Variants in DAAM2 observed in about 807,000 individuals in gnomAD.
The protein encoded by DAAM2 is disheveled-associated activator of morphogenesis 2.
A neutral mutation model predicts 120.7 loss-of-function variants in DAAM2; 39 were observed. That is an observed-to-expected ratio of 0.32 (90% CI 0.25 to 0.42). The LOEUF is 0.42. DAAM2 is among the 10% of genes least tolerant of loss of function. DAAM2 has a pLI of 1.00. For missense variants in DAAM2, 1,283 were observed against 1,401.7 expected, an observed-to-expected ratio of 0.92 and a Z score of 1.35; for synonymous variants, 488 against 524.9, an observed-to-expected ratio of 0.93 and a Z score of 0.96.
chr6:39,816,621 A>G (rs1762318425), intron 1 of DAAM2, among the ~76,000 whole-genome samples: 1 of 152,174 alleles, frequency 6.6e-6, no homozygotes, highest in Admixed American at 6.5e-5. Context: ...GTTCAAGTCC[A>G]TTATATCTTA....
chr6:39,898,343 G>A (rs1766249124), intron 21 of DAAM2, among the ~76,000 whole-genome samples: 1 of 152,210 alleles, frequency 6.6e-6, no homozygotes, highest in Non-Finnish European at 1.5e-5. Flanking sequence ...CAAAAAGAGT[G>A]TGCGTACAGT....
chr6:39,845,636 T>C (rs1020532649), intron 1 of DAAM2, among the ~76,000 whole-genome samples: 3 of 152,006 alleles, frequency 2.0e-5, no homozygotes, highest in Admixed American at 6.5e-5. Flanking sequence ...TATGCATTCA[T>C]GTCTTCTCTC....
chr6:39,818,320 A>G (rs964751516), intron 1 of DAAM2, among the ~76,000 whole-genome samples: 6 of 146,746 alleles, frequency 4.1e-5, no homozygotes, highest in Admixed American at 1.4e-4. Flanking sequence ...TAGCCACATG[A>G]CTCCACCCAA....
At chr6:39,857,120 T>C (rs1356570283) in intron 2 of DAAM2, among the ~76,000 whole-genome samples, 1 of 152,218 alleles carries the variant, frequency 6.6e-6, no homozygotes. Context: ...CCCGTGTGTG[T>C]GCAGCTTTAT....
chr6:39,803,988 C>T (rs1761939128), intron 1 of DAAM2, among the ~76,000 whole-genome samples: 1 of 152,158 alleles, frequency 6.6e-6, no homozygotes, highest in Non-Finnish European at 1.5e-5. Context: ...CTGAGACTGT[C>T]CTGGGCAGCC....
Position 39,860,220 on chromosome 6 carries a change from G to C in DAAM2, c.169-708G>C, listed in dbSNP as rs1562032299. ...TCATAAAGTTCCAGTTAGCTCCTTG[G>C]AAAGTTTGGACTAGCCTGATGGAGC... On this transcript the variant is annotated intron_variant, in intron 2 of 24. Transcript: ENST00000274867. Among the ~76,000 whole-genome samples, 3 of 152,194 alleles carry C rather than the reference G, an allele frequency of 2.0e-5. No individual in the cohort carries two copies. The South Asian group carries it at 6.2e-4, about 32-fold the overall frequency.
intron 1 of DAAM2, chr6:39,848,767 C>G (rs1357022598): frequency 6.6e-6 from 1 of 152,224 alleles, no homozygotes; most frequent in Non-Finnish European, 1.5e-5. Flanking sequence ...TTGTCTCTCC[C>G]CCAGCCCTGC....
intron 21 of DAAM2, 33 bp downstream of exon 21, chr6:39,897,315 A>G (rs1766167370): frequency 1.5e-6 from 2 of 1,338,778 alleles, no homozygotes; most frequent in African/African-American, 1.4e-5. Flanking sequence ...CCTTCTCCCC[A>G]TGATGACCCT....
rs908507060 is a variant in DAAM2, at chr6:39,901,524, G to A, written c.2982+52G>A. 3 of 1,562,392 alleles carry A rather than the reference G, an allele frequency of 1.9e-6. No individual in the cohort carries two copies. Among genetic ancestry groups the A allele is most frequent in the Non-Finnish European group, 2.6e-6 (3 of 1,157,810 alleles). Reference sequence around the variant, plus strand: ...TGAGGGGAGACGGGTGCTACTTGGGGAGAACACCCCCAAACTGGGGTGTGT... The same window carrying A: ...TGAGGGGAGACGGGTGCTACTTGGGAAGAACACCCCCAAACTGGGGTGTGT... On this transcript the variant is annotated intron_variant, in intron 24 of 24. Transcript: ENST00000274867. The surrounding 1 kb of genome is among the most constrained non-coding windows in gnomAD (Gnocchi z 4.5).
intron 5 of DAAM2, among the ~76,000 whole-genome samples, chr6:39,866,666 T>C (rs1764446576): frequency 6.6e-6 from 1 of 152,176 alleles, no homozygotes; most frequent in Non-Finnish European, 1.5e-5. Context: ...AAAAATGAGA[T>C]AGCAATGAAT....
chr6:39,831,658 C>A (rs1276476218), intron 1 of DAAM2, among the ~76,000 whole-genome samples: 1 of 147,694 alleles, frequency 6.8e-6, no homozygotes, highest in East Asian at 2.0e-4. Flanking sequence ...GGTCAAGAGG[C>A]TTGTAAGACC....
chr6:39,830,065 CCTTTCCGACT>C (rs1220593580), intron 1 of DAAM2, among the ~76,000 whole-genome samples: 3 of 152,104 alleles, frequency 2.0e-5, no homozygotes, highest in African/African-American at 7.2e-5. Context: ...ATTTGTACCC[CCTTTCCGACT>C]GGGAGATTTT....
chr6:39,854,081 A>G (rs1249443586), intron 1 of DAAM2, among the ~76,000 whole-genome samples: 1 of 152,144 alleles, frequency 6.6e-6, no homozygotes, highest in Non-Finnish European at 1.5e-5. Context: ...AACCTACTCC[A>G]GGTCTTTGCT....
At chr6:39,864,403 T>A (rs763182092) in intron 3 of DAAM2, 30 bp from the exon 4 acceptor site, 1 of 1,591,602 alleles carries the variant, frequency 6.3e-7, no homozygotes, top group Non-Finnish European at 8.6e-7. Context: ...TCTTGCCTGT[T>A]GGTCCATGCT....
intron 1 of DAAM2, among the ~76,000 whole-genome samples, chr6:39,835,711 A>G (rs1421273498): frequency 1.3e-5 from 2 of 152,258 alleles, no homozygotes; most frequent in Non-Finnish European, 2.9e-5. Context: ...AGACAGGGGC[A>G]TGGGTTGGCG....
At position 39,871,489 on chromosome 6, in the gene DAAM2, C is replaced by A. The variant is rs994997622; in HGVS notation, c.978-17C>A. Reference sequence around the variant, plus strand: ...TGGCTGTAATGTCTACTCTCTCTGTCTCCCCATTCTGTCTAGACATTTAGA... The same window carrying A: ...TGGCTGTAATGTCTACTCTCTCTGTATCCCCATTCTGTCTAGACATTTAGA... On this transcript the variant is annotated splice_polypyrimidine_tract_variant and intron_variant, in intron 8 of 24. Transcript: ENST00000274867. The A allele has an allele frequency of 2.6e-6, 4 of 1,550,172 alleles. No individual in the cohort carries two copies. The highest frequency in any genetic ancestry group is 2.0e-5 in the Admixed American group (1 of 50,976).
rs1428858217 is a variant in DAAM2, at chr6:39,902,692, C to T, written c.*655C>T. 6.6e-6 allele frequency: 1 copy of T among 152,370 alleles called. No individual in the cohort carries two copies. The highest frequency in any genetic ancestry group is 6.5e-5 in the Admixed American group (1 of 15,288). The allele number at this position is 152,370 out of a possible 1,614,324, so 9.4% of individuals were successfully genotyped here. ...CATGTCACAAGTCCTCTGGCCTCTC[C>T]CTGCATGTCTTAAGTATCTTTCCCT... On this transcript the variant is annotated 3_prime_UTR_variant, in exon 25 of 25. Coordinates refer to ENST00000274867, the MANE Select transcript of DAAM2 (RefSeq NM_001201427.2).
At chr6:39,880,452 G>A (rs1030526318) in intron 14 of DAAM2, among the ~76,000 whole-genome samples, 8 of 152,186 alleles carry the variant, frequency 5.3e-5, no homozygotes, top group African/African-American at 1.4e-4. Context: ...TCTGAAGTCT[G>A]CTTTTGTAAA....
At chr6:39,861,107 G>A (rs1764193794) in intron 3 of DAAM2, 90 bp downstream of exon 3, 1 of 935,248 alleles carries the variant, frequency 1.1e-6, no homozygotes, top group Non-Finnish European at 1.7e-6. Context: ...TTCACCTGAT[G>A]TTTATTACAT....
Sources: gnomAD v4.1 joint callset for allele counts (sites outside exome capture counted in the v4.1 genomes callset) on GRCh38, gnomAD v4.1.1 for gene constraint, Gnocchi (gnomAD v3.1) non-coding constraint, MANE v1.5 for transcripts, NCBI Gene and HGNC (gene_info 2026-07-23, HGNC 2026-07-21) for gene names.